The following CELF4 variants were observed in gnomAD, a reference collection of about 807,000 sequenced individuals.
CELF4 encodes the protein CUG-BP- and ETR-3-like factor 4.
CELF4 carries 18 observed loss-of-function variants against 59.9 expected under a neutral mutation model. That is an observed-to-expected ratio of 0.30 (90% CI 0.21 to 0.45). The LOEUF (loss-of-function observed/expected upper bound fraction) is 0.45, where lower values mean the gene tolerates loss of function less well. Among genes scored for constraint, CELF4 ranks in the 20% least tolerant of loss-of-function variants. The pLI is 1.00. For missense variants in CELF4, 456 were observed against 689.0 expected (o/e 0.66, Z 3.79); for synonymous variants, 261 against 267.1 (o/e 0.98, Z 0.22).
At chr18:37,282,406 T>A (rs1369957713) in intron 3 of CELF4, among the ~76,000 whole-genome samples, 2 of 152,162 alleles carry the variant, frequency 1.3e-5, no homozygotes, top group East Asian at 3.9e-4. Context: ...CTACATGGCA[T>A]TTCCATGAAT....
intron 3 of CELF4, among the ~76,000 whole-genome samples, chr18:37,309,389 AG>A (rs1451292316): frequency 2.0e-5 from 3 of 152,174 alleles, no homozygotes; most frequent in African/African-American, 7.2e-5. Flanking sequence ...GTAAGGCTCA[AG>A]GCACTCTTAT....
chr18:37,543,319 C>T (rs145658764), intron 1 of CELF4, among the ~76,000 whole-genome samples: 2,398 of 152,276 alleles, frequency 0.016, 71 homozygotes, highest in African/African-American at 0.054. Context: ...CCTCCCTCCT[C>T]CAAACCCAGG....
chr18:37,298,706 C>A (rs934409958), intron 3 of CELF4, among the ~76,000 whole-genome samples: 1 of 142,398 alleles, frequency 7.0e-6, no homozygotes, highest in African/African-American at 2.7e-5. Context: ...GCCTGGGCGA[C>A]GGAGTGAGAC....
rs150798063 is a variant in CELF4 at position 37,315,149 on chromosome 18, C to T, written c.448+6654G>A. On this transcript the variant is annotated intron_variant, in intron 3 of 12. Transcript: ENST00000420428. ...TGGATGGACTCCCCAGTGCTAGACC[C>T]GCTCCCTCCCAAGCCTGTGCCTTGG... is the stretch of plus-strand genomic sequence containing the variant. Among the ~76,000 whole-genome samples, 40 of 152,176 alleles carry T rather than the reference C, an allele frequency of 2.6e-4. No homozygotes were observed. In the East Asian group the frequency reaches 7.4e-3, roughly 28 times the overall value.
rs760568408 is a variant in CELF4 at position 37,266,543 on chromosome 18, C to G, written c.1155G>C (p.Gln385His). The G allele has an allele frequency of 6.3e-7, 1 of 1,595,228 alleles. No homozygotes were observed. The highest frequency in any genetic ancestry group is 2.3e-5 in the East Asian group (1 of 44,192). ...PLQQAYAGVQ[Q>H]YAGPAAYPAA... ...CGCGTGGATACTAACGACCTGCATA[C>G]TGCTGCACTCCGGCGTAGGCCTGCT... Residue 385 changes from glutamine (Q) to histidine (H), a missense_variant, in exon 9 of 13, where the codon CAG becomes CAC. Physicochemically the swap from Gln to His is conservative, Grantham distance 24. Coordinates refer to ENST00000420428, the MANE Select transcript of CELF4 (RefSeq NM_020180.4).
intron 2 of CELF4, among the ~76,000 whole-genome samples, chr18:37,480,183 C>T (rs990133320): frequency 3.9e-5 from 6 of 152,118 alleles, no homozygotes; most frequent in Non-Finnish European, 5.9e-5. Flanking sequence ...AGAACAGGAC[C>T]GGGGAACTGG....
At chr18:37,522,887 C>T (rs1465949187) in intron 1 of CELF4, among the ~76,000 whole-genome samples, 1 of 152,204 alleles carries the variant, frequency 6.6e-6, no homozygotes, top group Admixed American at 6.5e-5. Flanking sequence ...CATCCACCCT[C>T]TCCCATGAAA....
intron 2 of CELF4, among the ~76,000 whole-genome samples, chr18:37,401,093 T>C (rs2154581034): frequency 6.6e-6 from 1 of 152,294 alleles, no homozygotes; most frequent in East Asian, 1.9e-4. Flanking sequence ...CAGAGAGCTG[T>C]GAGGCAGGGC....
intron 2 of CELF4, among the ~76,000 whole-genome samples, chr18:37,373,202 C>G (rs1004768273): frequency 1.3e-5 from 2 of 152,230 alleles, no homozygotes; most frequent in Admixed American, 1.3e-4. Context: ...ACTGCCAGCT[C>G]CAATGTGAGC....
At position 37,274,966 on chromosome 18, in the gene CELF4, A is replaced by C. The variant is rs969519113; in HGVS notation, c.578-82T>G. The C allele has an allele frequency of 4.4e-4, 680 of 1,553,556 alleles. 3 individuals are homozygous for C. Among genetic ancestry groups the C allele is most frequent in the Non-Finnish European group, 1.4e-4 (160 of 1,141,126 alleles). On this transcript the variant is annotated intron_variant, in intron 4 of 12. Transcript: ENST00000420428. ...GGAGGAGAGGGCGCATCCCAGGTGA[A>C]CGCAGACGGGTGAGGCAGAGATTGA... is the stretch of plus-strand genomic sequence containing the variant.
At chr18:37,506,835 C>T (rs1012941275) in intron 1 of CELF4, among the ~76,000 whole-genome samples, 12 of 152,210 alleles carry the variant, frequency 7.9e-5, no homozygotes, top group African/African-American at 2.7e-4. Context: ...AAGTTTGTTT[C>T]CTCCTTGGGC....
chr18:37,243,184 T>C lies in CELF4; in HGVS notation c.*2058A>G, dbSNP rs1400474420. 4.9e-5 allele frequency: 7 copies of C among 141,962 alleles called. No individual in the cohort carries two copies. Among genetic ancestry groups the C allele is most frequent in the East Asian group, 2.0e-4 (1 of 4,892 alleles). The allele number at this position is 141,962 out of a possible 1,614,324, so 8.8% of individuals were successfully genotyped here. On this transcript the variant is annotated 3_prime_UTR_variant, in exon 13 of 13. Coordinates refer to ENST00000420428, the MANE Select transcript of CELF4 (RefSeq NM_020180.4). ...GCTGTTTTCTTTTTTTTTTCTTTTTTTCTTTTTTTTTTTTTTTTTTTTACA... is the reference window on the plus strand; with the variant it reads ...GCTGTTTTCTTTTTTTTTTCTTTTTCTCTTTTTTTTTTTTTTTTTTTTACA...
intron 2 of CELF4, among the ~76,000 whole-genome samples, chr18:37,476,542 A>G (rs1174525881): frequency 2.0e-5 from 3 of 152,204 alleles, no homozygotes; most frequent in African/African-American, 7.2e-5. Context: ...GAATTAAAGA[A>G]TAAAGAACAA....
At chr18:37,409,245 C>T (rs1344698432) in intron 2 of CELF4, among the ~76,000 whole-genome samples, 6 of 152,208 alleles carry the variant, frequency 3.9e-5, no homozygotes, top group African/African-American at 1.4e-4. Context: ...TGCCTCTTGC[C>T]CTTTTGATGA....
chr18:37,500,140 T>C (rs1786800), intron 1 of CELF4, among the ~76,000 whole-genome samples: 103,209 of 152,062 alleles, frequency 0.68, 35,860 homozygotes, highest in East Asian at 0.96. Flanking sequence ...GTGCACCAAA[T>C]GGAAGGGAAT....
At chr18:37,553,200 A>T (rs1429601980) in intron 1 of CELF4, among the ~76,000 whole-genome samples, 4 of 150,200 alleles carry the variant, frequency 2.7e-5, no homozygotes, top group South Asian at 4.2e-4. Context: ...TTTTTTTTTA[A>T]AATTGGATAA....
At chr18:37,491,620 G>C (rs1247024512) in intron 1 of CELF4, among the ~76,000 whole-genome samples, 1 of 152,138 alleles carries the variant, frequency 6.6e-6, no homozygotes, top group East Asian at 1.9e-4. Context: ...AAGGGAGATT[G>C]GGAAAAGTTG....
At chr18:37,464,392 C>T (rs1004160107) in intron 2 of CELF4, among the ~76,000 whole-genome samples, 2 of 152,180 alleles carry the variant, frequency 1.3e-5, no homozygotes, top group African/African-American at 2.4e-5. Context: ...TAAAGACTCC[C>T]ATCGATGCCT....
intron 1 of CELF4, among the ~76,000 whole-genome samples, chr18:37,492,644 T>C (rs1270266728): frequency 6.6e-6 from 1 of 152,082 alleles, no homozygotes; most frequent in Non-Finnish European, 1.5e-5. Context: ...TACATGTTCT[T>C]CCTCTGCAAA....
Sources: gnomAD v4.1 joint callset for allele counts (sites outside exome capture counted in the v4.1 genomes callset) on GRCh38, gnomAD v4.1.1 for gene constraint, MANE v1.5 for transcripts, NCBI Gene and HGNC (gene_info 2026-07-23, HGNC 2026-07-21) for gene names.